The following PRR27 variants were observed in gnomAD, a reference collection of about 807,000 sequenced individuals.
PRR27 encodes the protein proline-rich protein 27.
A neutral mutation model predicts 16.8 loss-of-function variants in PRR27; 12 were observed. The ratio of observed to expected loss-of-function variants is 0.71; its 90% confidence interval spans 0.46 to 1.16. PRR27 has a LOEUF of 1.16. Among genes scored for constraint, PRR27 ranks in the 50% most tolerant of loss-of-function variants. The pLI is 0.00. For missense variants in PRR27, 277 were observed against 273.3 expected, an observed-to-expected ratio of 1.01 and a Z score of -0.10; for synonymous variants, 100 against 98.4, an observed-to-expected ratio of 1.02 and a Z score of -0.10.
intron 2 of PRR27, 120 bp from the exon 3 acceptor site, chr4:70,158,208 A>G (rs1054855091): frequency 8.6e-6 from 6 of 697,598 alleles, no homozygotes; most frequent in Non-Finnish European, 1.2e-5. Context: ...CTTAAGAAAG[A>G]TAAGACATTG....
chr4:70,159,235 T>C (rs192925272), intron 3 of PRR27, among the ~76,000 whole-genome samples: 2 of 152,154 alleles, frequency 1.3e-5, no homozygotes, highest in African/African-American at 4.8e-5. Flanking sequence ...TTTTCTAGAA[T>C]TTTACGTAAG....
Position 70,156,364 on chromosome 4 carries a change from G to A in PRR27, c.75+287G>A, listed in dbSNP as rs550908678. On this transcript the variant is annotated intron_variant, in intron 2 of 4. Transcript: ENST00000344526. ...TGCCATGCCAAGGTTTTCCCCTCATGCCTCTATTATACATTGTCAGTATGT... is the reference window on the plus strand; with the variant it reads ...TGCCATGCCAAGGTTTTCCCCTCATACCTCTATTATACATTGTCAGTATGT... Among the ~76,000 whole-genome samples, 3 of 152,252 alleles carry A rather than the reference G, an allele frequency of 2.0e-5. No homozygotes were observed. In the East Asian group the frequency reaches 5.8e-4, roughly 29 times the overall value.
chr4:70,156,847 G>T (rs1470357430), intron 2 of PRR27, among the ~76,000 whole-genome samples: 1 of 149,012 alleles, frequency 6.7e-6, no homozygotes, highest in Non-Finnish European at 1.5e-5. Flanking sequence ...TTTTAAAATA[G>T]AAATATTATT....
At chr4:70,160,443 C>CTGTGTGTGTGTGTGTG (rs71210150) in intron 3 of PRR27, among the ~76,000 whole-genome samples, 87 of 68,688 alleles carry the variant, frequency 1.3e-3, no homozygotes, top group Middle Eastern at 0.014. Flanking sequence ...CTCTCTCTCT[C>CTGTGTGTGTGTGTGTG]TGTGTGTGTG....
intron 3 of PRR27, among the ~76,000 whole-genome samples, chr4:70,161,046 A>G (rs11942432): frequency 0.22 from 33,267 of 151,100 alleles, 4,462 homozygotes; most frequent in Middle Eastern, 0.37. Context: ...CTAGAGAGGT[A>G]TGATGAGCCA....
chr4:70,158,957 G>GAAA, intron 3 of PRR27, 57 bp downstream of exon 3: 2 of 836,116 alleles, frequency 2.4e-6, no homozygotes, highest in South Asian at 1.9e-5. Flanking sequence ...TGTAGAAGGG[G>GAAA]AAAAAAAAAA....
intron 1 of PRR27, chr4:70,154,800 G>T (rs1403417109): frequency 7.7e-7 from 1 of 1,292,208 alleles, no homozygotes; most frequent in Non-Finnish European, 1.0e-6. Flanking sequence ...AGGTATTTAT[G>T]TACAGACATT....
chr4:70,155,021 C>T (rs1016837906), intron 1 of PRR27, among the ~76,000 whole-genome samples: 2 of 152,046 alleles, frequency 1.3e-5, no homozygotes, highest in African/African-American at 2.4e-5. Context: ...TACACCATAA[C>T]ATTGTTTTAA....
rs71210150 is a variant in PRR27 at position 70,160,443 on chromosome 4, C to CTGTGTGTGTGTGTG, written c.649-1125_649-1112dup. On this transcript the variant is annotated intron_variant, in intron 3 of 4. Coordinates refer to ENST00000344526, the MANE Select transcript of PRR27 (RefSeq NM_214711.4). ...TCTCTCTCTCTCTCTCTCTCTCTCT[C>CTGTGTGTGTGTGTG]TGTGTGTGTGTGTGTGTGTGTGTGT... Among the ~76,000 whole-genome samples, 72 of 68,698 alleles carry CTGTGTGTGTGTGTG rather than the reference C, an allele frequency of 1.0e-3. 1 individual carries two copies. The highest frequency in any genetic ancestry group is 3.4e-3 in the South Asian group (4 of 1,164). 45.1% of individuals were successfully genotyped at this position (68,698 alleles called of 152,430 possible).
chr4:70,154,241 G>A lies in PRR27; in HGVS notation c.-135G>A. The A allele has an allele frequency of 2.9e-6, 2 of 682,124 alleles. No homozygotes were observed. Among genetic ancestry groups the A allele is most frequent in the Non-Finnish European group, 4.9e-6 (2 of 404,714 alleles). The allele number at this position is 682,124 out of a possible 1,614,324, so 42.3% of individuals were successfully genotyped here. A position where few individuals can be genotyped will look rare whatever the true frequency, so the allele number is the denominator to read the frequency against. ...AGCAGGGCCAACTATTCTGTTAAGG[G>A]TCTTCCTAGACAGACTAAAAAAGCC... On this transcript the variant is annotated 5_prime_UTR_variant, in exon 1 of 5. Coordinates refer to ENST00000344526, the MANE Select transcript of PRR27 (RefSeq NM_214711.4).
At chr4:70,161,555 A>T (rs1184388892) in intron 3 of PRR27, 31 bp from the exon 4 acceptor site, 4 of 1,399,624 alleles carry the variant, frequency 2.9e-6, no homozygotes, top group Non-Finnish European at 3.0e-6. Context: ...TTGATTGTTT[A>T]TGAAAAGATC....
Position 70,164,661 on chromosome 4 carries a change from G to C in PRR27, c.*2000G>C, listed in dbSNP as rs1464728555. 1 of 151,964 alleles carries C rather than the reference G, an allele frequency of 6.6e-6. No individual in the cohort carries two copies. The highest frequency in any genetic ancestry group is 2.4e-5 in the African/African-American group (1 of 41,366). The allele number at this position is 151,964 out of a possible 1,614,324, so 9.4% of individuals were successfully genotyped here. ...GATAGTCAATTTTAATGATTATGTT[G>C]TCAAAATTCAGGCTTTTTGTGTGAA... On this transcript the variant is annotated 3_prime_UTR_variant, in exon 5 of 5. Coordinates refer to ENST00000344526, the MANE Select transcript of PRR27 (RefSeq NM_214711.4).
At position 70,161,207 on chromosome 4, in the gene PRR27, C is replaced by CATATAT. The variant is rs5859213; in HGVS notation, c.649-357_649-352dup. ...ACACATACATATATATACACGTATA[C>CATATAT]ATATATATATATATATATATATATA... On this transcript the variant is annotated intron_variant, in intron 3 of 4. Coordinates refer to ENST00000344526, the MANE Select transcript of PRR27 (RefSeq NM_214711.4). Among the ~76,000 whole-genome samples, 305 of 119,564 alleles carry CATATAT rather than the reference C, an allele frequency of 2.6e-3. 3 individuals carry two copies. Among genetic ancestry groups the CATATAT allele is most frequent in the Non-Finnish European group, 2.7e-3 (161 of 59,990 alleles). 78.4% of individuals were successfully genotyped at this position (119,564 alleles called of 152,430 possible). A position where few individuals can be genotyped will look rare whatever the true frequency, so the allele number is the denominator to read the frequency against.
chr4:70,156,127 A>C (rs1728470588), intron 2 of PRR27, 50 bp downstream of exon 2: 2 of 1,027,244 alleles, frequency 1.9e-6, no homozygotes, highest in Non-Finnish European at 2.7e-6. Context: ...TTATCTTAAA[A>C]TATATTTTAC....
At chr4:70,162,637 A>G (rs916194297) in intron 4 of PRR27, 58 bp from the exon 5 acceptor site, 1 of 152,182 alleles carries the variant, frequency 6.6e-6, no homozygotes, top group African/African-American at 2.4e-5. Flanking sequence ...ATTTTGCTTT[A>G]AGTGTGAGTC....
intron 4 of PRR27, among the ~76,000 whole-genome samples, chr4:70,161,988 C>T (rs1173269822): frequency 1.3e-5 from 2 of 152,124 alleles, no homozygotes; most frequent in African/African-American, 4.8e-5. Flanking sequence ...ACAGATTATT[C>T]TGTATGCTAT....
chr4:70,158,311 C>A lies in PRR27; in HGVS notation c.76-17C>A, dbSNP rs1728538667. 1.3e-6 allele frequency: 2 copies of A among 1,558,182 alleles called. No homozygotes were observed. The highest frequency in any genetic ancestry group is 1.8e-6 in the Non-Finnish European group (2 of 1,134,632). On this transcript the variant is annotated splice_polypyrimidine_tract_variant and intron_variant, in intron 2 of 4. Transcript: ENST00000344526. Reference sequence around the variant, plus strand: ...GGACAAATACAATCAACTTCGACTTCTTTGTTTCTCCTTTAGGATGACAAT... The same window carrying A: ...GGACAAATACAATCAACTTCGACTTATTTGTTTCTCCTTTAGGATGACAAT...
rs71210150 is a variant in PRR27, at chr4:70,160,443, C to CTGTGTGTGTG, written c.649-1121_649-1112dup. 2.4e-3 allele frequency among the ~76,000 whole-genome samples: 167 copies of CTGTGTGTGTG among 68,690 alleles called. 7 individuals are homozygous for CTGTGTGTGTG. Among genetic ancestry groups the CTGTGTGTGTG allele is most frequent in the East Asian group, 0.011 (19 of 1,804 alleles). The allele number at this position is 68,690 out of a possible 152,430, so 45.1% of individuals were successfully genotyped here. A position where few individuals can be genotyped will look rare whatever the true frequency, so the allele number is the denominator to read the frequency against. ...TCTCTCTCTCTCTCTCTCTCTCTCTCTGTGTGTGTGTGTGTGTGTGTGTGT... is the reference window on the plus strand; with the variant it reads ...TCTCTCTCTCTCTCTCTCTCTCTCTCTGTGTGTGTGTGTGTGTGTGTGTGTGTGTGTGTGT... On this transcript the variant is annotated intron_variant, in intron 3 of 4. Coordinates refer to ENST00000344526, the MANE Select transcript of PRR27 (RefSeq NM_214711.4).
intron 3 of PRR27, among the ~76,000 whole-genome samples, chr4:70,160,028 T>A (rs77150245): frequency 0.029 from 3,736 of 126,692 alleles, 157 homozygotes; most frequent in African/African-American, 0.088. Flanking sequence ...ATCCTCTTTT[T>A]AAAAAAAAAA....
Sources: gnomAD v4.1 joint callset for allele counts (sites outside exome capture counted in the v4.1 genomes callset) on GRCh38, gnomAD v4.1.1 for gene constraint, MANE v1.5 for transcripts, NCBI Gene and HGNC (gene_info 2026-07-23, HGNC 2026-07-21) for gene names.